The following BBX variants were observed in gnomAD, a reference collection of about 807,000 sequenced individuals.
BBX encodes BBX high mobility group box domain containing.
A neutral mutation model predicts 100.2 loss-of-function variants in BBX; 30 were observed. That is an observed-to-expected ratio of 0.30 (90% CI 0.22 to 0.41). BBX has a LOEUF of 0.41. BBX is among the 10% of genes least tolerant of loss of function. The pLI is 1.00. For synonymous variants in BBX, 376 were observed against 388.1 expected (o/e 0.97, Z 0.37); for missense variants, 1,023 against 1,129.8 (o/e 0.91, Z 1.35).
At chr3:107,734,203 AT>A (rs200746252) in intron 7 of BBX, among the ~76,000 whole-genome samples, 5,554 of 152,264 alleles carry the variant, frequency 0.036, 149 homozygotes, top group Non-Finnish European at 0.057. Flanking sequence ...AAAGGTTTTT[AT>A]TTTTTATAGT....
chr3:107,736,201 A>G (rs2063624300), intron 7 of BBX, among the ~76,000 whole-genome samples: 1 of 152,068 alleles, frequency 6.6e-6, no homozygotes, highest in Non-Finnish European at 1.5e-5. Context: ...AAATAGAAGT[A>G]TAGAAGTCTC....
intron 15 of BBX, among the ~76,000 whole-genome samples, chr3:107,797,655 T>C (rs1388486512): frequency 2.0e-5 from 3 of 152,090 alleles, no homozygotes; most frequent in Non-Finnish European, 4.4e-5. Flanking sequence ...GTCTTACTTT[T>C]AAGTTAAGGT....
intron 3 of BBX, among the ~76,000 whole-genome samples, chr3:107,694,748 T>G (rs1026731192): frequency 4.6e-5 from 7 of 151,600 alleles, no homozygotes; most frequent in African/African-American, 9.8e-5. Context: ...TTCTATTGAT[T>G]GGAATAGTTT....
intron 5 of BBX, among the ~76,000 whole-genome samples, 163 bp from the exon 6 acceptor site, chr3:107,728,602 G>GAACC (rs2063119439): frequency 6.6e-6 from 1 of 152,156 alleles, no homozygotes; most frequent in African/African-American, 2.4e-5. Context: ...CCTATCTCTA[G>GAACC]AACCCTATGC....
intron 3 of BBX, among the ~76,000 whole-genome samples, chr3:107,647,897 A>G (rs1393755884): frequency 6.6e-6 from 1 of 152,160 alleles, no homozygotes; most frequent in African/African-American, 2.4e-5. Flanking sequence ...GGAAAGAGGA[A>G]AGAGAAAAGT....
At chr3:107,772,504 T>G in intron 10 of BBX, 124 bp from the exon 11 acceptor site, 2 of 1,058,076 alleles carry the variant, frequency 1.9e-6, no homozygotes, top group Non-Finnish European at 2.6e-6. Flanking sequence ...AGTGGGCTGA[T>G]TGTTGTAAAG....
chr3:107,707,833 C>G (rs1388841883), intron 3 of BBX, among the ~76,000 whole-genome samples: 1 of 152,144 alleles, frequency 6.6e-6, no homozygotes, highest in East Asian at 1.9e-4. Flanking sequence ...AAGGTGCACA[C>G]ATATCCACAC....
At chr3:107,650,614 A>G (rs2057786064) in intron 3 of BBX, among the ~76,000 whole-genome samples, 1 of 152,228 alleles carries the variant, frequency 6.6e-6, no homozygotes, top group African/African-American at 2.4e-5. Context: ...CATGTATATA[A>G]AAATGGTTTT....
At chr3:107,804,151 T>C (rs1356493400) in intron 17 of BBX, among the ~76,000 whole-genome samples, 1 of 152,228 alleles carries the variant, frequency 6.6e-6, no homozygotes, top group African/African-American at 2.4e-5. Context: ...TCTAAAATCC[T>C]AAATATCTTG....
intron 2 of BBX, among the ~76,000 whole-genome samples, chr3:107,552,481 C>T (rs1197280932): frequency 6.6e-6 from 1 of 151,116 alleles, no homozygotes. Flanking sequence ...CCACAGAAAC[C>T]TAGGCATGGT....
At chr3:107,710,701 A>G (rs146886977) in intron 4 of BBX, 79 bp downstream of exon 4, 16 of 1,323,814 alleles carry the variant, frequency 1.2e-5, no homozygotes, top group Non-Finnish European at 1.5e-5. Flanking sequence ...AACATGAATG[A>G]TATTACAAAA....
At chr3:107,755,037 G>C (rs765741999) in intron 9 of BBX, among the ~76,000 whole-genome samples, 24 of 152,138 alleles carry the variant, frequency 1.6e-4, no homozygotes, top group Non-Finnish European at 1.5e-4. Flanking sequence ...ACTCAGATTT[G>C]TGGCCTTGAT....
intron 5 of BBX, among the ~76,000 whole-genome samples, chr3:107,727,725 A>G (rs150937185): frequency 2.0e-5 from 3 of 152,318 alleles, no homozygotes; most frequent in Non-Finnish European, 2.9e-5. Flanking sequence ...TGGTATAAGG[A>G]AAGTATATAG....
intron 3 of BBX, among the ~76,000 whole-genome samples, chr3:107,673,001 A>C (rs2059098924): frequency 6.6e-6 from 1 of 152,064 alleles, no homozygotes; most frequent in Non-Finnish European, 1.5e-5. Context: ...GACCTTGAGC[A>C]AATTTCTTAA....
At chr3:107,680,187 G>C (rs2059497955) in intron 3 of BBX, among the ~76,000 whole-genome samples, 1 of 152,104 alleles carries the variant, frequency 6.6e-6, no homozygotes, top group African/African-American at 2.4e-5. Context: ...GGCCACATGG[G>C]GCTTTTTGGT....
intron 2 of BBX, among the ~76,000 whole-genome samples, chr3:107,574,856 T>C (rs2051653770): frequency 6.6e-6 from 1 of 152,192 alleles, no homozygotes; most frequent in Admixed American, 6.5e-5. Context: ...CCAACTCAAG[T>C]GGACTTTCCT....
intron 14 of BBX, 130 bp downstream of exon 14, chr3:107,790,006 G>A (rs2068830409): frequency 1.7e-6 from 1 of 605,238 alleles, no homozygotes; most frequent in African/African-American, 1.8e-5. Context: ...ATCAGCTCCT[G>A]ACGCGGGTGT....
intron 2 of BBX, among the ~76,000 whole-genome samples, chr3:107,531,250 CTG>C (rs1313298809): frequency 1.3e-5 from 2 of 152,162 alleles, no homozygotes; most frequent in Non-Finnish European, 2.9e-5. Context: ...TCATCACCCT[CTG>C]TAGGTGCTCC....
chr3:107,687,076 A>G (rs1405538669), intron 3 of BBX, among the ~76,000 whole-genome samples: 1 of 152,220 alleles, frequency 6.6e-6, no homozygotes, highest in Non-Finnish European at 1.5e-5. Flanking sequence ...AATTCTTATT[A>G]AAATGTTGGA....
Sources: gnomAD v4.1 joint callset for allele counts (sites outside exome capture counted in the v4.1 genomes callset) on GRCh38, gnomAD v4.1.1 for gene constraint, MANE v1.5 for transcripts, NCBI Gene and HGNC (gene_info 2026-07-23, HGNC 2026-07-21) for gene names.